The following RUBCN variants were observed in gnomAD, a reference collection of about 807,000 sequenced individuals.
The protein encoded by RUBCN is rubicon autophagy regulator.
A neutral mutation model predicts 113.2 loss-of-function variants in RUBCN; 74 were observed. That is an observed-to-expected ratio of 0.65 (90% confidence interval 0.54 to 0.79). The LOEUF is 0.79. Among genes scored for constraint, RUBCN ranks in the 30% least tolerant of loss-of-function variants. RUBCN has a pLI of 0.00. For synonymous variants in RUBCN, 480 were observed against 490.0 expected (o/e 0.98, Z 0.27); for missense variants, 1,109 against 1,251.7 (o/e 0.89, Z 1.72).
At position 197,681,095 on chromosome 3, in the gene RUBCN, C is replaced by CAAGACTCT; in HGVS notation, c.2430+26_2430+33dup. ...GGAGGGGATGAGGGGAGGAGAAGGG[C>CAAGACTCT]AAGACTCTAAGGTGGCCTTTTCCAA... On this transcript the variant is annotated intron_variant, in intron 16 of 19. Coordinates refer to ENST00000296343, the MANE Select transcript of RUBCN (RefSeq NM_014687.4). The surrounding 1 kb of genome is among the most constrained non-coding windows in gnomAD (Gnocchi z 5.5). 7.0e-7 allele frequency: 1 copy of CAAGACTCT among 1,424,400 alleles called. No homozygotes were observed. The highest frequency in any genetic ancestry group is 9.9e-7 in the Non-Finnish European group (1 of 1,009,868). 88.2% of individuals were successfully genotyped at this position (1,424,400 alleles called of 1,614,324 possible).
At chr3:197,749,192 A>G (rs976501372) in intron 1 of RUBCN, 1 of 781,980 alleles carries the variant, frequency 1.3e-6, no homozygotes. Context: ...ATGATTAAAA[A>G]GTAAACGAAC....
At chr3:197,720,412 CA>C (rs1334030126) in intron 1 of RUBCN, among the ~76,000 whole-genome samples, 7 of 151,266 alleles carry the variant, frequency 4.6e-5, no homozygotes, top group South Asian at 2.2e-4. Flanking sequence ...TGTTGACGGA[CA>C]TTTTTTTTTT....
In RUBCN at chr3:197,693,844, A is replaced by C. The variant is rs777561781; in HGVS notation, c.1685-28T>G. 13 of 1,499,056 alleles carry C rather than the reference A, an allele frequency of 8.7e-6. 1 individual carries two copies. The highest frequency in any genetic ancestry group is 1.1e-5 in the Non-Finnish European group (12 of 1,075,208). The allele number at this position is 1,499,056 out of a possible 1,614,324, so 92.9% of individuals were successfully genotyped here. ...GTTATGTTTAAAAACAAAAAGGAAT[A>C]AACAGGGCAGAAAGAGGTCTTCTTG... On this transcript the variant is annotated intron_variant, in intron 10 of 19. Transcript: ENST00000296343.
chr3:197,733,017 C>G (rs929187138), intron 1 of RUBCN, among the ~76,000 whole-genome samples: 1 of 152,196 alleles, frequency 6.6e-6, no homozygotes, highest in African/African-American at 2.4e-5. Context: ...AAGCATTATT[C>G]TTCCTACTCA....
chr3:197,678,413 G>T (rs540254213), intron 16 of RUBCN, among the ~76,000 whole-genome samples: 3 of 149,152 alleles, frequency 2.0e-5, no homozygotes, highest in African/African-American at 7.5e-5. Context: ...ACTGTCCTAC[G>T]CTCTAACTCG....
chr3:197,704,693 G>A lies in RUBCN; in HGVS notation c.312C>T (p.Ser104=), dbSNP rs557932058. ...HSALHVEKFI[S]VHENDQSSAD... is the part of the protein sequence containing the mutation. ...CACTGCTCTGGTCGTTCTCGTGCACGCTGATGAACTGGGAAGCAAAGGGGC... is the reference window on the plus strand; with the variant it reads ...CACTGCTCTGGTCGTTCTCGTGCACACTGATGAACTGGGAAGCAAAGGGGC... Residue 104 remains serine, a synonymous_variant, in exon 4 of 20, where the codon AGC becomes AGT. Coordinates refer to ENST00000296343, the MANE Select transcript of RUBCN (RefSeq NM_014687.4). 16 of 1,613,842 alleles carry A rather than the reference G, an allele frequency of 9.9e-6. No individual in the cohort carries two copies. The highest frequency in any genetic ancestry group is 1.7e-4 in the Middle Eastern group (1 of 5,860).
At chr3:197,736,939 C>A, upstream of RUBCN, 1 of 1,337,566 alleles carries the variant, frequency 7.5e-7, no homozygotes, top group Middle Eastern at 2.8e-4. Flanking sequence ...CAGCCCCCGG[C>A]GAGCACTCCG....
Position 197,736,788 on chromosome 3 carries a change from G to A in RUBCN, c.-69C>T, listed in dbSNP as rs1434706095. ...GCCGCTTCGCCCTTCAGGGCTCCCG[G>A]GGCCCCCTGGGGCCGGAGGAGGCAC... On this transcript the variant is annotated 5_prime_UTR_variant, in exon 1 of 20. Transcript: ENST00000296343. The A allele has an allele frequency of 2.0e-6, 3 of 1,486,370 alleles. No homozygotes were observed. Among genetic ancestry groups the A allele is most frequent in the African/African-American group, 1.5e-5 (1 of 68,406 alleles). The allele number at this position is 1,486,370 out of a possible 1,614,324, so 92.1% of individuals were successfully genotyped here.
At chr3:197,719,200 G>C (rs1159080305) in intron 1 of RUBCN, among the ~76,000 whole-genome samples, 2 of 152,262 alleles carry the variant, frequency 1.3e-5, no homozygotes, top group East Asian at 3.9e-4. Flanking sequence ...CATGAGGCTG[G>C]ACGCAGTGGC....
intron 11 of RUBCN, among the ~76,000 whole-genome samples, chr3:197,692,281 C>A (rs1722507573): frequency 6.6e-6 from 1 of 152,038 alleles, no homozygotes; most frequent in South Asian, 2.1e-4. Flanking sequence ...GTGCCCCAGA[C>A]ACCACGGGGG....
At position 197,681,059 on chromosome 3, in the gene RUBCN, G is replaced by A. The variant is rs1464344455; in HGVS notation, c.2430+70C>T. The stretch of plus-strand genomic sequence containing the variant: ...GAGGGGATGGGGGGAGGGGACGGGG[G>A]AGGGACGAGGGGAGGGGATGAGGGG... On this transcript the variant is annotated intron_variant, in intron 16 of 19. Coordinates refer to ENST00000296343, the MANE Select transcript of RUBCN (RefSeq NM_014687.4). The surrounding 1 kb of genome is among the most constrained non-coding windows in gnomAD (Gnocchi z 5.5). The A allele has an allele frequency of 2.5e-6, 2 of 784,776 alleles. No individual in the cohort carries two copies. The highest frequency in any genetic ancestry group is 4.2e-6 in the Non-Finnish European group (2 of 478,848). 48.6% of individuals were successfully genotyped at this position (784,776 alleles called of 1,614,324 possible).
intron 11 of RUBCN, among the ~76,000 whole-genome samples, chr3:197,687,640 C>T (rs1046707898): frequency 1.3e-5 from 2 of 152,212 alleles, no homozygotes; most frequent in Non-Finnish European, 2.9e-5. Context: ...CCATGAGTGA[C>T]GCCCTCATAA....
intron 1 of RUBCN, among the ~76,000 whole-genome samples, chr3:197,720,288 T>G (rs1457727487): frequency 6.6e-6 from 1 of 152,202 alleles, no homozygotes; most frequent in Non-Finnish European, 1.5e-5. Context: ...GTGCCTGGCT[T>G]ATTGCCCTTA....
rs751881519 is a variant in RUBCN at position 197,674,978 on chromosome 3, G to C, written c.*40C>G. 8 of 1,601,812 alleles carry C rather than the reference G, an allele frequency of 5.0e-6. No individual in the cohort carries two copies. The African/African-American group carries it at 6.7e-5, about 13-fold the overall frequency. ...CAAAGAGTGGCTCAGTTCTGCAACA[G>C]GTGTGACCCGGCCCGGAGGGAGGGC... is the stretch of plus-strand genomic sequence containing the variant. On this transcript the variant is annotated 3_prime_UTR_variant, in exon 20 of 20. Coordinates refer to ENST00000296343, the MANE Select transcript of RUBCN (RefSeq NM_014687.4).
rs1472363259 is a variant in RUBCN, at chr3:197,670,042, T to C, written c.*4976A>G. 3.3e-5 allele frequency among the ~76,000 whole-genome samples: 5 copies of C among 152,108 alleles called. No homozygotes were observed. In the East Asian group the frequency reaches 9.6e-4, roughly 29 times the overall value. ...TAGCTGGGATTACAGGCGCCCGCCA[T>C]CATGCCCAACTAGCTTTTGTATTTT... On this transcript the variant is annotated 3_prime_UTR_variant, in exon 20 of 20. Transcript: ENST00000296343.
intron 3 of RUBCN, 83 bp downstream of exon 3, chr3:197,705,009 A>T: frequency 9.4e-7 from 1 of 1,067,540 alleles, no homozygotes; most frequent in Admixed American, 1.9e-5. Context: ...CCCTCCTTGG[A>T]GCCTAGAAGA....
chr3:197,677,586 A>G (rs770744834), intron 16 of RUBCN, 45 bp from the exon 17 acceptor site: 21 of 1,579,788 alleles, frequency 1.3e-5, no homozygotes, highest in Non-Finnish European at 1.7e-5. Flanking sequence ...GAGATGTGAG[A>G]AGAGGAATCC....
chr3:197,704,590 G>A lies in RUBCN; in HGVS notation c.415C>T (p.Leu139Phe), dbSNP rs1724070656. ...SLQYHCLSAQLRPLLGDRQYI... is the reference protein window; with the variant it reads ...SLQYHCLSAQFRPLLGDRQYI... Reference sequence around the variant, plus strand: ...TGTCTATCCCCGAGCAGGGGCCGGAGCTGGGCTGAGAGGCAGTGGTACTGC... The same window carrying A: ...TGTCTATCCCCGAGCAGGGGCCGGAACTGGGCTGAGAGGCAGTGGTACTGC... The change falls in exon 4 of 20, where the codon CTC becomes TTC. Residue 139 changes from leucine to phenylalanine, a missense_variant. By Grantham distance (22) the Leu-to-Phe change is conservative (BLOSUM62 0). Around this residue, in one of 3 missense-constraint regions of RUBCN, gnomAD observed 736 missense variants for 779.6 expected, o/e 0.94. Coordinates refer to ENST00000296343, the MANE Select transcript of RUBCN (RefSeq NM_014687.4). 3.1e-6 allele frequency: 5 copies of A among 1,614,108 alleles called. 1 individual carries two copies. Among genetic ancestry groups the A allele is most frequent in the South Asian group, 2.2e-5 (2 of 91,094 alleles).
chr3:197,698,992 C>T (rs989741211), intron 7 of RUBCN, among the ~76,000 whole-genome samples: 2 of 152,108 alleles, frequency 1.3e-5, no homozygotes, highest in Non-Finnish European at 2.9e-5. Context: ...TGTTGAGAGA[C>T]TGAACGAGGC....
Sources: gnomAD v4.1 joint callset for allele counts (sites outside exome capture counted in the v4.1 genomes callset) on GRCh38, gnomAD v4.1.1 for gene constraint, gnomAD v4.1.1 regional missense constraint, Gnocchi (gnomAD v3.1) non-coding constraint, MANE v1.5 for transcripts, NCBI Gene and HGNC (gene_info 2026-07-23, HGNC 2026-07-21) for gene names.